The following ALG6 variants were observed in gnomAD, a reference collection of about 807,000 sequenced individuals.
The protein encoded by ALG6 is ALG6 alpha-1,3-glucosyltransferase.
A neutral mutation model predicts 66.6 loss-of-function variants in ALG6; 46 were observed. That is an observed-to-expected ratio of 0.69 (90% CI 0.55 to 0.88). ALG6 has a LOEUF of 0.88. Ranked by LOEUF, ALG6 falls within the 40% of genes least tolerant of loss-of-function variation. The pLI, the probability that ALG6 is intolerant of heterozygous loss-of-function variation, is 0.00. For synonymous variants in ALG6, 185 were observed against 203.7 expected, an observed-to-expected ratio of 0.91 and a Z score of 0.78; for missense variants, 505 against 586.8, an observed-to-expected ratio of 0.86 and a Z score of 1.44.
Position 63,422,432 on chromosome 1 carries a change from AATATATATATAAATATAT to A in ALG6, c.1058+2998_1058+3015del, listed in dbSNP as rs1557595420. 6.7e-4 allele frequency among the ~76,000 whole-genome samples: 16 copies of A among 23,960 alleles called. No individual in the cohort carries two copies. In the African/African-American group the frequency reaches 8.4e-3, roughly 13 times the overall value. The allele number at this position is 23,960 out of a possible 152,430, so 15.7% of individuals were successfully genotyped here. A position where few individuals can be genotyped will look rare whatever the true frequency, so the allele number is the denominator to read the frequency against. ...AAATATAAATATATATATAAATATA[AATATATATATAAATATAT>A]ATATAAATATAAATATATATATAAA... On this transcript the variant is annotated intron_variant, in intron 12 of 14. Transcript: ENST00000263440.
chr1:63,411,833 A>T, intron 8 of ALG6, 93 bp from the exon 9 acceptor site: 3 of 1,523,996 alleles, frequency 2.0e-6, no homozygotes, highest in African/African-American at 1.4e-5. Flanking sequence ...ATTACTATAC[A>T]TGTGCATGTA....
At chr1:63,407,469 G>A (rs1481617255) in intron 7 of ALG6, among the ~76,000 whole-genome samples, 3 of 151,916 alleles carry the variant, frequency 2.0e-5, no homozygotes, top group Non-Finnish European at 4.4e-5. Flanking sequence ...GTTATCTGAC[G>A]TGAAAAAAGG....
intron 2 of ALG6, among the ~76,000 whole-genome samples, chr1:63,391,039 G>T (rs1278755015): frequency 2.0e-5 from 3 of 152,102 alleles, no homozygotes; most frequent in African/African-American, 7.2e-5. Context: ...CCTGCCAGGG[G>T]GACAGTTGCT....
rs1644691515 is a variant in ALG6 at position 63,437,516 on chromosome 1, CAT to C, written c.*499_*500del. On this transcript the variant is annotated 3_prime_UTR_variant, in exon 15 of 15. Coordinates refer to ENST00000263440, the MANE Select transcript of ALG6 (RefSeq NM_013339.4). The stretch of plus-strand genomic sequence containing the variant: ...AGTGTGTATTTCACTGTTTAGAAGT[CAT>C]ATCTTAGGGAATTAAATTTGTGATA... 1 of 155,038 alleles carries C rather than the reference CAT, an allele frequency of 6.5e-6. No homozygotes were observed. Among genetic ancestry groups the C allele is most frequent in the South Asian group, 2.0e-4 (1 of 5,050 alleles). 9.6% of individuals were successfully genotyped at this position (155,038 alleles called of 1,614,324 possible).
intron 2 of ALG6, among the ~76,000 whole-genome samples, chr1:63,379,297 A>G (rs539284479): frequency 1.3e-5 from 2 of 152,164 alleles, no homozygotes; most frequent in Non-Finnish European, 2.9e-5. Context: ...CTAAATTAGC[A>G]ACTTAAAGTT....
At chr1:63,391,597 T>C (rs1286917084) in intron 2 of ALG6, among the ~76,000 whole-genome samples, 1 of 152,198 alleles carries the variant, frequency 6.6e-6, no homozygotes, top group African/African-American at 2.4e-5. Flanking sequence ...GCTTAAAATA[T>C]TCAATATGCC....
At chr1:63,415,224 T>C (rs78919706) in intron 10 of ALG6, among the ~76,000 whole-genome samples, 7,650 of 151,578 alleles carry the variant, frequency 0.05, 672 homozygotes, top group African/African-American at 0.17. Context: ...AAATCAGTTA[T>C]TGTATTAGGT....
chr1:63,372,217 A>G (rs12094406), intron 2 of ALG6, among the ~76,000 whole-genome samples: 5,159 of 152,214 alleles, frequency 0.034, 280 homozygotes, highest in African/African-American at 0.11. Context: ...TGACCAGAGA[A>G]TAGGTTATAC....
intron 2 of ALG6, among the ~76,000 whole-genome samples, chr1:63,381,130 G>A (rs913761972): frequency 2.0e-5 from 3 of 151,912 alleles, no homozygotes; most frequent in Non-Finnish European, 2.9e-5. Context: ...GTCCAGCCTG[G>A]GCAATACGGG....
chr1:63,401,388 G>A (rs1644464276), intron 3 of ALG6, among the ~76,000 whole-genome samples: 1 of 152,058 alleles, frequency 6.6e-6, no homozygotes, highest in African/African-American at 2.4e-5. Flanking sequence ...AAGTTAGGCC[G>A]GGCATGGTGG....
intron 4 of ALG6, among the ~76,000 whole-genome samples, chr1:63,402,624 G>T (rs908466812): frequency 6.6e-6 from 1 of 151,150 alleles, no homozygotes; most frequent in Admixed American, 6.6e-5. Context: ...CCGCCACCAT[G>T]CCTGGCTAAT....
At chr1:63,413,915 C>T in intron 9 of ALG6, 146 bp from the exon 10 acceptor site, 3 of 622,916 alleles carry the variant, frequency 4.8e-6, no homozygotes, top group South Asian at 3.5e-5. Flanking sequence ...TATGTTTATT[C>T]CTGGAGGATT....
chr1:63,371,788 A>G (rs1466284646), intron 2 of ALG6, among the ~76,000 whole-genome samples: 2 of 152,018 alleles, frequency 1.3e-5, no homozygotes, highest in Admixed American at 6.6e-5. Context: ...CATTTTTAGT[A>G]GAGACGGGGT....
intron 9 of ALG6, among the ~76,000 whole-genome samples, chr1:63,412,357 T>C (rs1557591596): frequency 6.6e-6 from 1 of 152,170 alleles, no homozygotes; most frequent in Admixed American, 6.6e-5. Context: ...ACAGGGTGTG[T>C]GCACCTTGCT....
rs760751565 is a variant in ALG6 at position 63,402,460 on chromosome 1, A to ATTT, written c.257+139_257+141dup. 3.9e-3 allele frequency: 1,010 copies of ATTT among 262,202 alleles called. 1 individual carries two copies. Among genetic ancestry groups the ATTT allele is most frequent in the African/African-American group, 4.2e-3 (95 of 22,432 alleles). 16.2% of individuals were successfully genotyped at this position (262,202 alleles called of 1,614,324 possible). A position where few individuals can be genotyped will look rare whatever the true frequency, so the allele number is the denominator to read the frequency against. ...AGAGATTGCTTGTAGCTGCTATTGT[A>ATTT]TTTTTTTTTTTTTTTTTTTTTTTTG... On this transcript the variant is annotated intron_variant, in intron 4 of 14. Transcript: ENST00000263440.
rs1644519287 is a variant in ALG6 at position 63,412,075 on chromosome 1, C to CT, written c.816+17dup. On this transcript the variant is annotated intron_variant, in intron 9 of 14. Coordinates refer to ENST00000263440, the MANE Select transcript of ALG6 (RefSeq NM_013339.4). ...GGATTATTTGAGGCATGTTTAAACA[C>CT]TTTCCTCTCCTTTCTGTTACTGTAC... 6.2e-7 allele frequency: 1 copy of CT among 1,613,858 alleles called. No homozygotes were observed. Among genetic ancestry groups the CT allele is most frequent in the South Asian group, 1.1e-5 (1 of 91,086 alleles).
chr1:63,393,902 A>G (rs1284447502), intron 2 of ALG6, among the ~76,000 whole-genome samples: 1 of 152,126 alleles, frequency 6.6e-6, no homozygotes, highest in Non-Finnish European at 1.5e-5. Context: ...AGAATAGAAA[A>G]CTTATTAAGT....
At position 63,411,977 on chromosome 1, in the gene ALG6, C is replaced by T. The variant is rs528739746; in HGVS notation, c.732C>T (p.Leu244=). The T allele has an allele frequency of 6.2e-7, 1 of 1,614,094 alleles. No homozygotes were observed. Among genetic ancestry groups the T allele is most frequent in the Non-Finnish European group, 8.5e-7 (1 of 1,179,990 alleles). The change falls in exon 9 of 15, where the codon CTC becomes CTT. Residue 244 remains leucine (L), a synonymous_variant. Coordinates refer to ENST00000263440, the MANE Select transcript of ALG6 (RefSeq NM_013339.4). ...GTATTGTTGTGGCTTCCTTCGTTCT[C>T]TGCTGGCTGCCATTCTTTACAGAAA... ...LACIVVASFV[L]CWLPFFTERE...
intron 5 of ALG6, 97 bp downstream of exon 5, chr1:63,404,638 T>C: frequency 1.0e-6 from 1 of 972,582 alleles, no homozygotes; most frequent in Non-Finnish European, 1.6e-6. Flanking sequence ...GACTTTAAAA[T>C]TGTGCAATTA....
Sources: allele counts gnomAD v4.1 joint callset (sites outside exome capture counted in the v4.1 genomes callset), GRCh38; gene constraint gnomAD v4.1.1; transcripts MANE v1.5; gene names NCBI Gene and HGNC (gene_info 2026-07-23, HGNC 2026-07-21).